The following POMGNT1 variants were observed in gnomAD, a reference collection of about 807,000 sequenced individuals.
The protein encoded by POMGNT1 is protein O-linked mannose N-acetylglucosaminyltransferase 1 (beta 1,2-).
POMGNT1 carries 67 observed loss-of-function variants against 95.6 expected under a neutral mutation model. The ratio of observed to expected loss-of-function variants is 0.70; its 90% CI spans 0.58 to 0.86. POMGNT1 has a LOEUF of 0.86. POMGNT1 is among the 40% of genes least tolerant of loss of function. POMGNT1 has a pLI of 0.00. For synonymous variants in POMGNT1, 298 were observed against 317.9 expected (o/e 0.94, Z 0.66); for missense variants, 719 against 855.2 (o/e 0.84, Z 1.99).
rs1411103437 is a variant in POMGNT1, at chr1:46,197,804, G to C, written c.18C>G (p.Pro6=). The change falls in exon 2 of 22, where the codon CCC becomes CCG. Residue 6 remains proline, a synonymous_variant. Coordinates refer to ENST00000371984, the MANE Select transcript of POMGNT1 (RefSeq NM_017739.4). ...CCCCAAAGGGCTTGATGAGGGGGCT[G>C]GGCTTCCAGTCGTCCATACCGGATT... MDDWK[P]SPLIKPFGAR... The C allele has an allele frequency of 6.2e-7, 1 of 1,614,036 alleles. No individual in the cohort carries two copies. The highest frequency in any genetic ancestry group is 8.5e-7 in the Non-Finnish European group (1 of 1,180,034).
At chr1:46,194,513 C>T (rs1254706424) in intron 8 of POMGNT1, 40 bp downstream of exon 8, 1 of 1,614,046 alleles carries the variant, frequency 6.2e-7, no homozygotes, top group African/African-American at 1.3e-5. Context: ...TGCCCACCCC[C>T]AGCCCAGGCC....
intron 17 of POMGNT1, chr1:46,191,859 C>T: frequency 2.1e-6 from 1 of 482,084 alleles, no homozygotes; most frequent in Non-Finnish European, 3.7e-6. Context: ...TGGTCTCGAT[C>T]TCCTGACCTT....
exon 1 of POMGNT1, chr1:46,219,954 G>T: frequency 1.9e-6 from 3 of 1,614,268 alleles, no homozygotes; most frequent in Non-Finnish European, 1.7e-6. Context: ...GGACACAGTG[G>T]CCCCCAGCGA....
intron 17 of POMGNT1, 99 bp downstream of exon 17, chr1:46,191,999 C>T (rs1657805001): frequency 6.8e-7 from 1 of 1,475,838 alleles, no homozygotes; most frequent in African/African-American, 1.4e-5. Context: ...CCCAAGGTTA[C>T]ATGGCTAGCA....
rs759224058 is a variant in POMGNT1, at chr1:46,190,803, T to C, written c.1540-19A>G. Reference sequence around the variant, plus strand: ...AGGCCTCCTGGAGTGGGTATGAGAGTGAAAATCAGCACCTCACATTGTCTG... The same window carrying C: ...AGGCCTCCTGGAGTGGGTATGAGAGCGAAAATCAGCACCTCACATTGTCTG... On this transcript the variant is annotated intron_variant, in intron 17 of 21. Coordinates refer to ENST00000371984, the MANE Select transcript of POMGNT1 (RefSeq NM_017739.4). 3.6e-5 allele frequency: 57 copies of C among 1,596,996 alleles called. No individual in the cohort carries two copies. Among genetic ancestry groups the C allele is most frequent in the Non-Finnish European group, 4.8e-5 (56 of 1,164,636 alleles).
At position 46,194,833 on chromosome 1, in the gene POMGNT1, G is replaced by A. The variant is rs867660181; in HGVS notation, c.652+11C>T. The A allele has an allele frequency of 1.2e-6, 2 of 1,614,024 alleles. No individual in the cohort carries two copies. The highest frequency in any genetic ancestry group is 1.7e-4 in the Middle Eastern group (1 of 6,054). On this transcript the variant is annotated intron_variant, in intron 7 of 21. Coordinates refer to ENST00000371984, the MANE Select transcript of POMGNT1 (RefSeq NM_017739.4). ...TGATACTACAGAGTGGATGGCCTCTGATGCCGGCACCTCCTTTTCGTCCCA... is the reference window on the plus strand; with the variant it reads ...TGATACTACAGAGTGGATGGCCTCTAATGCCGGCACCTCCTTTTCGTCCCA...
chr1:46,203,735 C>A, intron 1 of POMGNT1: 1 of 1,045,866 alleles, frequency 9.6e-7, no homozygotes, highest in Non-Finnish European at 1.3e-6. Context: ...AACTCTCCAC[C>A]TAACTGCTCA....
Position 46,193,375 on chromosome 1 carries a change from A to T in POMGNT1, c.1040T>A (p.Val347Glu), listed in dbSNP as rs995303741. The stretch of plus-strand genomic sequence containing the variant: ...GCCCCTCAGACCAAACAGTGCCACC[A>T]CATCCATGGGTTCCTGGGGGACATG... Reference protein sequence around the residue: ...IDGYYEEPMDVVALFGLRGIQ... With the variant: ...IDGYYEEPMDEVALFGLRGIQ... Residue 347 changes from valine (V) to glutamate (E), a missense_variant, in exon 12 of 22, where the codon GTG becomes GAG. Val to Glu is a moderately radical substitution (Grantham distance 121, BLOSUM62 -2). Coordinates refer to ENST00000371984, the MANE Select transcript of POMGNT1 (RefSeq NM_017739.4). 6.2e-7 allele frequency: 1 copy of T among 1,612,748 alleles called. No homozygotes were observed. The highest frequency in any genetic ancestry group is 1.3e-5 in the African/African-American group (1 of 74,900).
intron 7 of POMGNT1, 67 bp from the exon 8 acceptor site, chr1:46,194,718 C>T: frequency 6.2e-7 from 1 of 1,614,136 alleles, no homozygotes; most frequent in Non-Finnish European, 8.5e-7. Flanking sequence ...TTCCCATCTC[C>T]CTGCCTACTT....
At chr1:46,203,727 C>A in intron 1 of POMGNT1, 1 of 1,141,316 alleles carries the variant, frequency 8.8e-7, no homozygotes, top group Non-Finnish European at 1.2e-6. Flanking sequence ...GTAGTTAAAA[C>A]TCTCCACCTA....
intron 6 of POMGNT1, chr1:46,195,599 G>GTATCTTCAGCACCCAGAGAAGTACTTT: frequency 1.6e-6 from 1 of 628,824 alleles, no homozygotes; most frequent in African/African-American, 1.8e-5. Context: ...GTTTCCCATT[G>GTATCTTCAGCACCCAGAGAAGTACTTT]TATCTTCAGC....
intron 20 of POMGNT1, 70 bp downstream of exon 20, chr1:46,189,784 T>C: frequency 1.2e-6 from 2 of 1,603,730 alleles, no homozygotes; most frequent in Non-Finnish European, 1.7e-6. Context: ...GAGCAAAGGC[T>C]CCCTGGATCT....
At chr1:46,220,230 C>A (rs1659199383) in exon 1 of POMGNT1, 1 of 1,589,790 alleles carries the variant, frequency 6.3e-7, no homozygotes, top group South Asian at 1.1e-5. Context: ...ACAACTATTC[C>A]ACCCTTTTGT....
chr1:46,195,996 A>G lies in POMGNT1; in HGVS notation c.420+16T>C, dbSNP rs1401770237. 6.2e-7 allele frequency: 1 copy of G among 1,613,904 alleles called. No homozygotes were observed. On this transcript the variant is annotated intron_variant, in intron 5 of 21. Coordinates refer to ENST00000371984, the MANE Select transcript of POMGNT1 (RefSeq NM_017739.4). ...CCAGCTCCAGCCCTCTGGGTCACCC[A>G]CCCCTAGAAACTCACCGTGGCCTGG...
chr1:46,195,608 GCAC>G (rs1658168550), intron 6 of POMGNT1, 200 bp downstream of exon 6: 2 of 645,842 alleles, frequency 3.1e-6, no homozygotes, highest in Admixed American at 2.1e-5. Context: ...TGTATCTTCA[GCAC>G]CCAGAGAAGT....
intron 1 of POMGNT1, among the ~76,000 whole-genome samples, chr1:46,211,994 T>C (rs1490957346): frequency 1.3e-5 from 2 of 152,110 alleles, no homozygotes; most frequent in Non-Finnish European, 2.9e-5. Flanking sequence ...ATTCCTGATC[T>C]CAGGTGATCT....
chr1:46,195,291 C>T (rs940149764), intron 6 of POMGNT1, among the ~76,000 whole-genome samples: 8 of 152,102 alleles, frequency 5.3e-5, no homozygotes, highest in East Asian at 1.9e-4. Flanking sequence ...TCAAATATGC[C>T]GTGTACCTTC....
In POMGNT1 at chr1:46,193,850, C is replaced by T; in HGVS notation, c.950+5G>A. On this transcript the variant is annotated splice_donor_5th_base_variant and intron_variant, in intron 10 of 21. Coordinates refer to ENST00000371984, the MANE Select transcript of POMGNT1 (RefSeq NM_017739.4). ...GTGCTGGGTATAGCCCATTCCCAGG[C>T]TTACCTGTACAGGTAATTGGGTCGG... The T allele has an allele frequency of 6.2e-7, 1 of 1,614,012 alleles. No homozygotes were observed. The highest frequency in any genetic ancestry group is 2.2e-5 in the East Asian group (1 of 44,884).
At chr1:46,210,145 G>A (rs908881405) in intron 1 of POMGNT1, among the ~76,000 whole-genome samples, 2 of 152,134 alleles carry the variant, frequency 1.3e-5, no homozygotes, top group African/African-American at 4.8e-5. Flanking sequence ...GCAAATCCAT[G>A]TACCCAATAG....
Sources: allele counts gnomAD v4.1 joint callset (sites outside exome capture counted in the v4.1 genomes callset), GRCh38; gene constraint gnomAD v4.1.1; transcripts MANE v1.5; gene names NCBI Gene and HGNC (gene_info 2026-07-23, HGNC 2026-07-21).